The following SLC25A21 variants were observed in gnomAD, a reference collection of about 807,000 sequenced individuals.
SLC25A21 encodes the protein mitochondrial 2-oxodicarboxylate carrier.
A neutral mutation model predicts 43.8 loss-of-function variants in SLC25A21; 47 were observed. The observed-to-expected ratio is 1.07, with a 90% confidence interval of 0.85 to 1.37. SLC25A21 has a LOEUF of 1.37. Ranked by LOEUF, SLC25A21 falls within the 40% of genes most tolerant of loss-of-function variation. The probability of loss-of-function intolerance (pLI) is 0.00; values close to 1 mark genes in which losing one functional copy is unlikely to be tolerated. For synonymous variants in SLC25A21, 131 were observed against 121.3 expected, an observed-to-expected ratio of 1.08 and a Z score of -0.52; for missense variants, 352 against 350.2, an observed-to-expected ratio of 1.00 and a Z score of -0.04.
At chr14:36,821,771 C>T (rs1233802815) in intron 2 of SLC25A21, among the ~76,000 whole-genome samples, 3 of 152,138 alleles carry the variant, frequency 2.0e-5, no homozygotes, top group Non-Finnish European at 2.9e-5. Context: ...GAGCAGAGAT[C>T]GTGCCACTGC....
At chr14:37,137,441 TTTC>T (rs1166869742) in intron 1 of SLC25A21, among the ~76,000 whole-genome samples, 4 of 152,244 alleles carry the variant, frequency 2.6e-5, no homozygotes, top group African/African-American at 7.2e-5. Context: ...ACAATTATAA[TTTC>T]TTGTTAGAAG....
At chr14:36,811,384 C>T (rs1271950786) in intron 3 of SLC25A21, among the ~76,000 whole-genome samples, 2 of 152,084 alleles carry the variant, frequency 1.3e-5, no homozygotes, top group South Asian at 2.1e-4. Flanking sequence ...GGTGTGGTGG[C>T]TCACACCTGT....
chr14:37,126,105 C>T (rs1594805819), intron 1 of SLC25A21, among the ~76,000 whole-genome samples: 3 of 152,240 alleles, frequency 2.0e-5, no homozygotes, highest in Middle Eastern at 3.4e-3. Context: ...CTCAGGACAC[C>T]GCTGCACTGT....
At chr14:36,953,885 C>T (rs1959255133) in intron 1 of SLC25A21, among the ~76,000 whole-genome samples, 3 of 152,222 alleles carry the variant, frequency 2.0e-5, no homozygotes, top group South Asian at 4.1e-4. Context: ...ATATTATGTG[C>T]CAGACACTCT....
chr14:36,874,903 C>A, intron 2 of SLC25A21, 53 bp downstream of exon 2: 2 of 1,505,520 alleles, frequency 1.3e-6, no homozygotes, highest in South Asian at 2.4e-5. Context: ...TCTGACAGAT[C>A]TTAATTTGGA....
At chr14:37,016,921 C>A (rs1960869888) in intron 1 of SLC25A21, among the ~76,000 whole-genome samples, 1 of 152,072 alleles carries the variant, frequency 6.6e-6, no homozygotes, top group Admixed American at 6.6e-5. Context: ...TCAGCCTTCA[C>A]AGAATTGAAA....
chr14:36,703,985 C>G (rs903467882), intron 7 of SLC25A21, among the ~76,000 whole-genome samples: 3 of 152,166 alleles, frequency 2.0e-5, no homozygotes, highest in African/African-American at 7.2e-5. Flanking sequence ...ACACTCCATT[C>G]CATTTACTAC....
chr14:36,946,039 C>T (rs1265569123), intron 1 of SLC25A21, among the ~76,000 whole-genome samples: 2 of 151,982 alleles, frequency 1.3e-5, no homozygotes, highest in African/African-American at 4.8e-5. Flanking sequence ...TGAATGCTTC[C>T]GTTAGCACAA....
intron 1 of SLC25A21, among the ~76,000 whole-genome samples, chr14:37,051,984 G>A (rs1008149237): frequency 1.3e-5 from 2 of 152,172 alleles, no homozygotes; most frequent in Non-Finnish European, 2.9e-5. Flanking sequence ...CGAAGGGCCC[G>A]AGCACATCCT....
chr14:36,922,775 G>A (rs1892017807), intron 1 of SLC25A21, among the ~76,000 whole-genome samples: 1 of 151,994 alleles, frequency 6.6e-6, no homozygotes, highest in Non-Finnish European at 1.5e-5. Context: ...ACCAGAATAA[G>A]GGCTGCTTTA....
chr14:36,974,672 T>C (rs1959828431), intron 1 of SLC25A21, among the ~76,000 whole-genome samples: 1 of 152,200 alleles, frequency 6.6e-6, no homozygotes, highest in Non-Finnish European at 1.5e-5. Flanking sequence ...TACTATATTA[T>C]GTTGAAGTTA....
intron 7 of SLC25A21, among the ~76,000 whole-genome samples, chr14:36,686,055 GC>G (rs1267108720): frequency 6.6e-6 from 1 of 152,108 alleles, no homozygotes; most frequent in African/African-American, 2.4e-5. Flanking sequence ...AGCATACCAT[GC>G]TTCAGTTAAA....
intron 7 of SLC25A21, among the ~76,000 whole-genome samples, chr14:36,694,000 T>C (rs1206691815): frequency 6.6e-6 from 1 of 152,120 alleles, no homozygotes; most frequent in Non-Finnish European, 1.5e-5. Context: ...GCCATGTTGG[T>C]TTGCTGCACC....
At chr14:36,977,883 C>T (rs771074334) in intron 1 of SLC25A21, among the ~76,000 whole-genome samples, 7 of 150,800 alleles carry the variant, frequency 4.6e-5, no homozygotes, top group Admixed American at 2.0e-4. Context: ...TTGGGATATG[C>T]GCTCAGAGAT....
chr14:36,788,458 G>A (rs1350440646), intron 3 of SLC25A21, among the ~76,000 whole-genome samples: 5 of 150,674 alleles, frequency 3.3e-5, no homozygotes, highest in South Asian at 2.2e-4. Flanking sequence ...CTGAGCCACC[G>A]AGGCAGGCGG....
chr14:36,947,492 T>G (rs1286589332), intron 1 of SLC25A21, among the ~76,000 whole-genome samples: 2 of 152,128 alleles, frequency 1.3e-5, no homozygotes, highest in African/African-American at 4.8e-5. Context: ...CTGGGATCAT[T>G]TATTATCCAG....
intron 3 of SLC25A21, among the ~76,000 whole-genome samples, chr14:36,778,234 T>A (rs1886908012): frequency 6.6e-6 from 1 of 152,234 alleles, no homozygotes; most frequent in Non-Finnish European, 1.5e-5. Flanking sequence ...GTATCTCACA[T>A]CAAATCTTTA....
chr14:37,121,078 C>A (rs544082942), intron 1 of SLC25A21, among the ~76,000 whole-genome samples: 1 of 152,272 alleles, frequency 6.6e-6, no homozygotes, highest in East Asian at 1.9e-4. Context: ...AGAAATGTCC[C>A]AAAGGGCAAA....
intron 1 of SLC25A21, among the ~76,000 whole-genome samples, chr14:37,000,723 G>T (rs1960470651): frequency 6.6e-6 from 1 of 152,086 alleles, no homozygotes; most frequent in Non-Finnish European, 1.5e-5. Context: ...ATGTGAGTGG[G>T]TTTCCCCCTT....
Sources: allele counts gnomAD v4.1 joint callset (sites outside exome capture counted in the v4.1 genomes callset), GRCh38; gene constraint gnomAD v4.1.1; transcripts MANE v1.5; gene names NCBI Gene and HGNC (gene_info 2026-07-23, HGNC 2026-07-21).